The following MGAT4C variants were observed in gnomAD, a reference collection of about 807,000 sequenced individuals.
MGAT4C encodes MGAT4 family member C, also known as alpha-1,3-mannosyl-glycoprotein 4-beta-N-acetylglucosaminyltransferase C.
Under a neutral mutation model 40.1 loss-of-function variants are expected in MGAT4C, and 19 were observed. The observed-to-expected ratio is 0.47, with a 90% CI of 0.33 to 0.70. MGAT4C has a LOEUF of 0.70. Among genes scored for constraint, MGAT4C ranks in the 30% least tolerant of loss-of-function variants. The pLI, the probability that MGAT4C is intolerant of heterozygous loss-of-function variation, is 0.02. For synonymous variants in MGAT4C, 181 were observed against 187.1 expected (o/e 0.97, Z 0.27); for missense variants, 491 against 563.2 (o/e 0.87, Z 1.30).
chr12:86,328,262 T>C (rs1954573349), intron 4 of MGAT4C, among the ~76,000 whole-genome samples: 1 of 152,166 alleles, frequency 6.6e-6, no homozygotes, highest in Admixed American at 6.6e-5. Flanking sequence ...GTTTCTAAAC[T>C]TTGAGAATAC....
intron 1 of MGAT4C, among the ~76,000 whole-genome samples, chr12:86,769,116 C>T (rs1359542512): frequency 2.0e-5 from 3 of 152,002 alleles, no homozygotes; most frequent in Admixed American, 6.6e-5. Flanking sequence ...TGCAACCTAC[C>T]TATCTGACAA....
At chr12:86,738,483 G>A (rs1951017876) in intron 1 of MGAT4C, among the ~76,000 whole-genome samples, 1 of 151,110 alleles carries the variant, frequency 6.6e-6, no homozygotes, top group African/African-American at 2.4e-5. Context: ...TGACTGCTTT[G>A]TTCAATAATG....
At chr12:85,982,357 T>C (rs1347621423) in intron 4 of MGAT4C, among the ~76,000 whole-genome samples, 1 of 152,132 alleles carries the variant, frequency 6.6e-6, no homozygotes, top group Non-Finnish European at 1.5e-5. Flanking sequence ...CCTGGTTAAT[T>C]TTTGTACTTT....
At chr12:86,385,101 A>G (rs1189851028) in intron 3 of MGAT4C, among the ~76,000 whole-genome samples, 1 of 152,202 alleles carries the variant, frequency 6.6e-6, no homozygotes, top group Non-Finnish European at 1.5e-5. Flanking sequence ...GTAGTTTCCT[A>G]CAGTATTCCC....
intron 1 of MGAT4C, among the ~76,000 whole-genome samples, chr12:86,054,672 T>TATC (rs1490424311): frequency 1.3e-4 from 19 of 151,900 alleles, no homozygotes; most frequent in African/African-American, 4.6e-4. Context: ...AAGATAAATA[T>TATC]ATCCATCATT....
At chr12:86,311,568 T>C (rs1954073849) in intron 4 of MGAT4C, among the ~76,000 whole-genome samples, 1 of 152,178 alleles carries the variant, frequency 6.6e-6, no homozygotes, top group Admixed American at 6.5e-5. Flanking sequence ...AAGGAATAGG[T>C]CCTGCACACA....
intron 2 of MGAT4C, among the ~76,000 whole-genome samples, chr12:86,724,976 G>A (rs551725766): frequency 6.6e-6 from 1 of 152,072 alleles, no homozygotes; most frequent in Non-Finnish European, 1.5e-5. Flanking sequence ...CAATGTATAA[G>A]TTCTTTGAAA....
intron 1 of MGAT4C, among the ~76,000 whole-genome samples, chr12:86,085,304 CT>C (rs1354805383): frequency 6.6e-6 from 1 of 151,898 alleles, no homozygotes; most frequent in Non-Finnish European, 1.5e-5. Context: ...ACAGTATTGC[CT>C]AGATTTTCTT....
intron 2 of MGAT4C, among the ~76,000 whole-genome samples, chr12:86,604,828 C>T (rs1017664571): frequency 6.6e-6 from 1 of 152,020 alleles, no homozygotes; most frequent in Non-Finnish European, 1.5e-5. Context: ...TTATTCCATG[C>T]AGCAAACAAG....
chr12:86,650,638 G>A (rs145002256), intron 2 of MGAT4C, among the ~76,000 whole-genome samples: 47 of 151,932 alleles, frequency 3.1e-4, no homozygotes, highest in Non-Finnish European at 3.1e-4. Context: ...ATAGATGTCT[G>A]TATTACTATA....
chr12:86,473,800 C>T (rs1474561828), intron 2 of MGAT4C, among the ~76,000 whole-genome samples: 1 of 152,128 alleles, frequency 6.6e-6, no homozygotes, highest in Non-Finnish European at 1.5e-5. Flanking sequence ...TAAAGTCCAT[C>T]TTTAATAAGT....
chr12:86,036,376 C>T lies in MGAT4C; in HGVS notation c.-7+13298G>A, dbSNP rs372104146. ...GTTGAATAGGAGTGGTGAGAGAGGG[C>T]GTCCGTGTCTTGTGCTGGTTTTCAA... On this transcript the variant is annotated intron_variant, in intron 2 of 4. Transcript: ENST00000611864. Among the ~76,000 whole-genome samples, 3 of 149,842 alleles carry T rather than the reference C, an allele frequency of 2.0e-5. 1 individual carries two copies. Among genetic ancestry groups the T allele is most frequent in the Non-Finnish European group, 3.0e-5 (2 of 66,848 alleles).
chr12:86,664,028 T>G (rs1333537745), intron 2 of MGAT4C, among the ~76,000 whole-genome samples: 1 of 152,156 alleles, frequency 6.6e-6, no homozygotes, highest in Non-Finnish European at 1.5e-5. Context: ...GACTTGGCAT[T>G]CAAACATTTG....
chr12:86,538,517 G>C (rs909815073), intron 2 of MGAT4C, among the ~76,000 whole-genome samples: 2 of 152,004 alleles, frequency 1.3e-5, no homozygotes, highest in Non-Finnish European at 2.9e-5. Context: ...GGGGTCACCA[G>C]AAGCTGAAAT....
chr12:86,735,810 T>A (rs1240925386), intron 1 of MGAT4C, among the ~76,000 whole-genome samples: 1 of 151,854 alleles, frequency 6.6e-6, no homozygotes, highest in African/African-American at 2.4e-5. Flanking sequence ...TTAAGTTCAG[T>A]TATTAGCAAA....
At chr12:86,152,519 G>A (rs1027290620) in intron 1 of MGAT4C, among the ~76,000 whole-genome samples, 42 of 152,194 alleles carry the variant, frequency 2.8e-4, no homozygotes, top group African/African-American at 8.4e-4. Context: ...TAATACTATT[G>A]TACTGGTGAT....
chr12:86,026,756 T>TC (rs908301987), intron 2 of MGAT4C, among the ~76,000 whole-genome samples: 2 of 151,902 alleles, frequency 1.3e-5, no homozygotes, highest in Non-Finnish European at 2.9e-5. Context: ...AAATAGATCT[T>TC]CCCCCAGTAA....
At chr12:85,994,261 C>A (rs1195512518) in intron 2 of MGAT4C, among the ~76,000 whole-genome samples, 1 of 152,182 alleles carries the variant, frequency 6.6e-6, no homozygotes, top group Admixed American at 6.5e-5. Flanking sequence ...ATTCTAATAT[C>A]CAAATTCTGC....
At chr12:86,589,235 C>T (rs1023820648) in intron 2 of MGAT4C, among the ~76,000 whole-genome samples, 3 of 151,988 alleles carry the variant, frequency 2.0e-5, no homozygotes, top group Admixed American at 2.0e-4. Context: ...CCACCAATCC[C>T]ACAGAAATAC....
Sources: allele counts gnomAD v4.1 joint callset (sites outside exome capture counted in the v4.1 genomes callset), GRCh38; gene constraint gnomAD v4.1.1; transcripts MANE v1.5; gene names NCBI Gene and HGNC (gene_info 2026-07-23, HGNC 2026-07-21).